YIPF4: variants seen among roughly 807,000 people sequenced by gnomAD.
YIPF4 encodes the protein Yip1 domain family member 4.
A neutral mutation model predicts 29.4 loss-of-function variants in YIPF4; 18 were observed. The observed-to-expected ratio is 0.61, with a 90% CI of 0.42 to 0.91. YIPF4 has a LOEUF of 0.91. YIPF4 is among the 40% of genes least tolerant of loss of function. The pLI is 0.00. For missense variants in YIPF4, 279 were observed against 282.7 expected, an observed-to-expected ratio of 0.99 and a Z score of 0.09; for synonymous variants, 115 against 104.7, an observed-to-expected ratio of 1.10 and a Z score of -0.60.
Position 32,278,169 on chromosome 2 carries a change from G to C in YIPF4, c.14G>C (p.Gly5Ala). ...AGTCGCCGCGAGATGCAGCCTCCGG[G>C]CCCGCCCCCGGCCTATGCCCCCACT... The part of the protein sequence containing the change: MQPP[G>A]PPPAYAPTNG... The change falls in exon 1 of 6, where the codon GGC (glycine) becomes GCC (alanine). Residue 5 changes from glycine (G) to alanine (A), a missense_variant. Physicochemically the swap from Gly to Ala is moderately conservative, Grantham distance 60. Coordinates refer to ENST00000238831, the MANE Select transcript of YIPF4 (RefSeq NM_032312.4). 6.4e-7 allele frequency: 1 copy of C among 1,566,292 alleles called. No individual in the cohort carries two copies.
chr2:32,307,815 G>C lies in YIPF4; in HGVS notation c.*2189G>C, dbSNP rs1439413390. ...GGTGGCAGGCGCCTGTATAATCCCA[G>C]CTACTCAGGAGGCTGAGGCAGGGAG... On this transcript the variant is annotated 3_prime_UTR_variant, in exon 6 of 6. Coordinates refer to ENST00000238831, the MANE Select transcript of YIPF4 (RefSeq NM_032312.4). 6.6e-6 allele frequency: 1 copy of C among 150,624 alleles called. No individual in the cohort carries two copies. Among genetic ancestry groups the C allele is most frequent in the Non-Finnish European group, 1.5e-5 (1 of 67,946 alleles). The allele number at this position is 150,624 out of a possible 1,614,324, so 9.3% of individuals were successfully genotyped here.
chr2:32,297,429 C>A (rs1222207517), intron 3 of YIPF4, among the ~76,000 whole-genome samples: 1 of 151,854 alleles, frequency 6.6e-6, no homozygotes, highest in Non-Finnish European at 1.5e-5. Context: ...CCAACCATTT[C>A]TTTAAGAAGT....
Position 32,305,973 on chromosome 2 carries a change from A to G in YIPF4, c.*347A>G. 1.0e-6 allele frequency: 1 copy of G among 988,984 alleles called. No homozygotes were observed. The highest frequency in any genetic ancestry group is 1.2e-6 in the Non-Finnish European group (1 of 832,208). The allele number at this position is 988,984 out of a possible 1,614,324, so 61.3% of individuals were successfully genotyped here. A position where few individuals can be genotyped will look rare whatever the true frequency, so the allele number is the denominator to read the frequency against. The stretch of plus-strand genomic sequence containing the variant: ...TTTCACTTAAAGGGTAAATTTGACA[A>G]TATCTTGATAATCAAAAGTGCAATT... On this transcript the variant is annotated 3_prime_UTR_variant, in exon 6 of 6. Coordinates refer to ENST00000238831, the MANE Select transcript of YIPF4 (RefSeq NM_032312.4).
chr2:32,306,663 A>T lies in YIPF4; in HGVS notation c.*1037A>T, dbSNP rs559891810. On this transcript the variant is annotated 3_prime_UTR_variant, in exon 6 of 6. Transcript: ENST00000238831. ...ACAAATGTACAGTTTTTGCTAAGGG[A>T]AATATTAAGAAATTTTTATCAGTGA... 6.6e-5 allele frequency: 60 copies of T among 914,842 alleles called. No homozygotes were observed. In the South Asian group the frequency reaches 1.9e-3, roughly 29 times the overall value. 56.7% of individuals were successfully genotyped at this position (914,842 alleles called of 1,614,324 possible). A position where few individuals can be genotyped will look rare whatever the true frequency, so the allele number is the denominator to read the frequency against.
chr2:32,301,384 T>G lies in YIPF4; in HGVS notation c.486T>G (p.Val162=). The G allele has an allele frequency of 6.3e-7, 1 of 1,590,612 alleles. No homozygotes were observed. The highest frequency in any genetic ancestry group is 1.1e-5 in the South Asian group (1 of 87,224). ...TTTGAAATTTTCAAAATTCACAGGT[T>G]GCATATGGCCAAGTCCTTGGAGTTA... ...FLLARVLGGE[V]AYGQVLGVIG... is the part of the protein sequence containing the mutation. The change falls in exon 5 of 6, where the codon GTT becomes GTG. Residue 162 remains valine, a splice_region_variant and synonymous_variant. Coordinates refer to ENST00000238831, the MANE Select transcript of YIPF4 (RefSeq NM_032312.4).
At chr2:32,285,023 G>A (rs1410033666) in intron 1 of YIPF4, among the ~76,000 whole-genome samples, 1 of 152,126 alleles carries the variant, frequency 6.6e-6, no homozygotes, top group Non-Finnish European at 1.5e-5. Flanking sequence ...GAAGAGTATG[G>A]ATTGGAAGGA....
At chr2:32,292,862 C>CAAAAAAAAAAAAAAAAAAAAAAAAAA (rs1217481341) in intron 3 of YIPF4, among the ~76,000 whole-genome samples, 1 of 77,894 alleles carries the variant, frequency 1.3e-5, no homozygotes, top group Non-Finnish European at 2.4e-5. Context: ...GACTCCATCT[C>CAAAAAAAAAAAAAAAAAAAAAAAAAA]AAAAAAAAAA....
At position 32,306,391 on chromosome 2, in the gene YIPF4, A is replaced by G. The variant is rs2031583443; in HGVS notation, c.*765A>G. On this transcript the variant is annotated 3_prime_UTR_variant, in exon 6 of 6. Transcript: ENST00000238831. ...CTTTCTGACCAAAGGAGCAAGAGGTATAATGGATATGGCATTCATTAAAAT... is the reference window on the plus strand; with the variant it reads ...CTTTCTGACCAAAGGAGCAAGAGGTGTAATGGATATGGCATTCATTAAAAT... 3 of 985,090 alleles carry G rather than the reference A, an allele frequency of 3.0e-6. No individual in the cohort carries two copies. Among genetic ancestry groups the G allele is most frequent in the East Asian group, 2.3e-4 (2 of 8,818 alleles). The allele number at this position is 985,090 out of a possible 1,614,324, so 61.0% of individuals were successfully genotyped here. A position where few individuals can be genotyped will look rare whatever the true frequency, so the allele number is the denominator to read the frequency against.
In YIPF4 at chr2:32,309,780, C is replaced by G. The variant is rs968723312; in HGVS notation, c.*4154C>G. ...CTCAGCTCACTGCAACCTCTGATTC[C>G]TGGGTTCAAGCAATTCTCATGTCTC... On this transcript the variant is annotated 3_prime_UTR_variant, in exon 6 of 6. Coordinates refer to ENST00000238831, the MANE Select transcript of YIPF4 (RefSeq NM_032312.4). 2 of 149,670 alleles carry G rather than the reference C, an allele frequency of 1.3e-5. No individual in the cohort carries two copies. Among genetic ancestry groups the G allele is most frequent in the African/African-American group, 5.0e-5 (2 of 40,230 alleles). The allele number at this position is 149,670 out of a possible 1,614,324, so 9.3% of individuals were successfully genotyped here.
chr2:32,293,424 C>T (rs2031008667), intron 3 of YIPF4, among the ~76,000 whole-genome samples: 1 of 152,230 alleles, frequency 6.6e-6, no homozygotes, highest in Admixed American at 6.5e-5. Flanking sequence ...CCCAGATCAA[C>T]AGGATCCCAA....
chr2:32,280,617 C>T (rs1039321135), intron 1 of YIPF4, among the ~76,000 whole-genome samples: 13 of 151,980 alleles, frequency 8.6e-5, no homozygotes, highest in African/African-American at 1.7e-4. Flanking sequence ...CTCCTGACCT[C>T]GTGATCTGCC....
rs966530720 is a variant in YIPF4 at position 32,301,401 on chromosome 2, T to G, written c.503T>G (p.Leu168Arg). ...LGGEVAYGQVLGVIGYSLLPL... is the reference protein window; with the variant it reads ...LGGEVAYGQVRGVIGYSLLPL... Reference sequence around the variant, plus strand: ...TCACAGGTTGCATATGGCCAAGTCCTTGGAGTTATAGGATATTCATTACTT... The same window carrying G: ...TCACAGGTTGCATATGGCCAAGTCCGTGGAGTTATAGGATATTCATTACTT... The change falls in exon 5 of 6, where the codon CTT becomes CGT. Residue 168 changes from leucine to arginine, a missense_variant. Transcript: ENST00000238831. The G allele has an allele frequency of 1.9e-6, 3 of 1,610,998 alleles. No individual in the cohort carries two copies. The highest frequency in any genetic ancestry group is 2.5e-6 in the Non-Finnish European group (3 of 1,178,956).
At chr2:32,283,260 C>G (rs1288285000) in intron 1 of YIPF4, among the ~76,000 whole-genome samples, 1 of 152,072 alleles carries the variant, frequency 6.6e-6, no homozygotes, top group African/African-American at 2.4e-5. Context: ...TTTTACTGTA[C>G]AACTCCGGGT....
Position 32,309,235 on chromosome 2 carries a change from G to T in YIPF4, c.*3609G>T, listed in dbSNP as rs963469342. 3.3e-5 allele frequency: 5 copies of T among 152,050 alleles called. No homozygotes were observed. The East Asian group carries it at 9.6e-4, about 29-fold the overall frequency. 9.4% of individuals were successfully genotyped at this position (152,050 alleles called of 1,614,324 possible). A position where few individuals can be genotyped will look rare whatever the true frequency, so the allele number is the denominator to read the frequency against. ...ATTGAGCACCCCAATCCAAAATTCA[G>T]AATGCTTCAGATAAGAACATTTTTG... On this transcript the variant is annotated 3_prime_UTR_variant, in exon 6 of 6. Transcript: ENST00000238831.
intron 1 of YIPF4, among the ~76,000 whole-genome samples, chr2:32,283,926 G>A (rs922437425): frequency 6.6e-6 from 1 of 151,932 alleles, no homozygotes; most frequent in Non-Finnish European, 1.5e-5. Flanking sequence ...TACCACGTTG[G>A]TCAGGCTGGT....
chr2:32,296,099 G>A (rs183454192), intron 3 of YIPF4, among the ~76,000 whole-genome samples: 10 of 152,276 alleles, frequency 6.6e-5, no homozygotes, highest in African/African-American at 2.4e-4. Context: ...GGGGACTCTG[G>A]TCTCCTACCT....
At chr2:32,302,053 C>T (rs181502771) in intron 5 of YIPF4, among the ~76,000 whole-genome samples, 7 of 135,062 alleles carry the variant, frequency 5.2e-5, no homozygotes, top group South Asian at 2.4e-4. Context: ...TTTTTTGAGA[C>T]AGAGTCTTGC....
Position 32,310,181 on chromosome 2 carries a change from T to C in YIPF4, c.*4555T>C, listed in dbSNP as rs1490287083. 3.3e-5 allele frequency: 5 copies of C among 152,286 alleles called. No homozygotes were observed. Among genetic ancestry groups the C allele is most frequent in the Admixed American group, 3.3e-4 (5 of 15,294 alleles). The allele number at this position is 152,286 out of a possible 1,614,324, so 9.4% of individuals were successfully genotyped here. On this transcript the variant is annotated 3_prime_UTR_variant, in exon 6 of 6. Coordinates refer to ENST00000238831, the MANE Select transcript of YIPF4 (RefSeq NM_032312.4). The stretch of plus-strand genomic sequence containing the variant: ...TTAATTGAACCTTTGAGCCTTATAC[T>C]ATTTTTAAATTTCCCTTTAAAAATT...
At chr2:32,303,397 G>A (rs1044805643) in intron 5 of YIPF4, among the ~76,000 whole-genome samples, 1 of 152,160 alleles carries the variant, frequency 6.6e-6, no homozygotes, top group African/African-American at 2.4e-5. Flanking sequence ...AGGCACTCAA[G>A]CTGTTGTTAT....
Sources: gnomAD v4.1 joint callset for allele counts (sites outside exome capture counted in the v4.1 genomes callset) on GRCh38, gnomAD v4.1.1 for gene constraint, MANE v1.5 for transcripts, NCBI Gene and HGNC (gene_info 2026-07-23, HGNC 2026-07-21) for gene names.